HNRNPLL: variants seen among roughly 807,000 people sequenced by gnomAD.
The protein encoded by HNRNPLL is heterogeneous nuclear ribonucleoprotein L like.
A neutral mutation model predicts 67.1 loss-of-function variants in HNRNPLL; 25 were observed. That is an observed-to-expected ratio of 0.37 (90% confidence interval 0.27 to 0.52). The LOEUF (loss-of-function observed/expected upper bound fraction) is 0.52. HNRNPLL is among the 20% of genes least tolerant of loss of function. The pLI is 0.90. For synonymous variants in HNRNPLL, 267 were observed against 241.7 expected (o/e 1.10, Z -0.97); for missense variants, 542 against 673.9 (o/e 0.80, Z 2.17).
intron 3 of HNRNPLL, 135 bp downstream of exon 3, chr2:38,585,509 T>C (rs1666688665): frequency 1.6e-6 from 1 of 613,208 alleles, no homozygotes; most frequent in Non-Finnish European, 2.9e-6. Context: ...TCATTAAACT[T>C]GTTAAGATTA....
In HNRNPLL at chr2:38,602,447, G is replaced by A. The variant is rs750585349; in HGVS notation, c.180C>T (p.Phe60=). 1.7e-5 allele frequency: 26 copies of A among 1,537,964 alleles called. No homozygotes were observed. In the Admixed American group the frequency reaches 5.1e-4, roughly 30 times the overall value. ...GGDGGGGGRS[F]SQPEAGGSHH... ...GGCCGCGCTTTGTTACCGGCTGAGAGAAGCTCCGGCCGCCGCCGCCGCCAT... is the reference window on the plus strand; with the variant it reads ...GGCCGCGCTTTGTTACCGGCTGAGAAAAGCTCCGGCCGCCGCCGCCGCCAT... The change falls in exon 1 of 13, where the codon TTC becomes TTT. Residue 60 remains phenylalanine, a synonymous_variant. Coordinates refer to ENST00000449105, the MANE Select transcript of HNRNPLL (RefSeq NM_138394.4).
intron 12 of HNRNPLL, among the ~76,000 whole-genome samples, chr2:38,564,566 G>T (rs1054766791): frequency 7.6e-6 from 1 of 132,422 alleles, no homozygotes; most frequent in African/African-American, 3.0e-5. Flanking sequence ...GTTGCAGCAA[G>T]CCAAGATTGT....
Position 38,581,997 on chromosome 2 carries a change from G to A in HNRNPLL, c.730-12C>T, listed in dbSNP as rs1666546310. On this transcript the variant is annotated splice_polypyrimidine_tract_variant and intron_variant, in intron 5 of 12. Coordinates refer to ENST00000449105, the MANE Select transcript of HNRNPLL (RefSeq NM_138394.4). ...TTTAGACGAGTTGGCTGTTAAGATT[G>A]AAAATAATGTAAGTTCAAACTGCAT... The A allele has an allele frequency of 6.2e-7, 1 of 1,609,034 alleles. No homozygotes were observed. Among genetic ancestry groups the A allele is most frequent in the Non-Finnish European group, 8.5e-7 (1 of 1,175,594 alleles).
In HNRNPLL at chr2:38,577,526, C is replaced by T; in HGVS notation, c.809G>A (p.Gly270Glu). ...TKPYLGRRDRGKGRQRQAILG... is the reference protein window; with the variant it reads ...TKPYLGRRDREKGRQRQAILG... ...AATGGCTTGTCTCTGGCGACCCTTTCCTCTATCTGACACAAAAGTAGAAAC... is the reference window on the plus strand; with the variant it reads ...AATGGCTTGTCTCTGGCGACCCTTTTCTCTATCTGACACAAAAGTAGAAAC... Residue 270 changes from glycine (G) to glutamate (E), a missense_variant, in exon 7 of 13, where the codon GGA becomes GAA. Physicochemically the swap from Gly to Glu is moderately conservative, Grantham distance 98. This residue lies in a region of HNRNPLL where 415 missense variants were observed against 575.2 expected (regional missense o/e 0.72). Coordinates refer to ENST00000449105, the MANE Select transcript of HNRNPLL (RefSeq NM_138394.4). The T allele has an allele frequency of 6.2e-7, 1 of 1,604,942 alleles. No individual in the cohort carries two copies.
intron 2 of HNRNPLL, among the ~76,000 whole-genome samples, chr2:38,588,245 G>C (rs541949459): frequency 7.6e-4 from 115 of 152,202 alleles, no homozygotes; most frequent in African/African-American, 2.6e-3. Flanking sequence ...TTTGCTTTCT[G>C]TGACTAAAAT....
At chr2:38,593,380 T>TG (rs1347326487) in intron 1 of HNRNPLL, among the ~76,000 whole-genome samples, 1 of 152,110 alleles carries the variant, frequency 6.6e-6, no homozygotes, top group Non-Finnish European at 1.5e-5. Flanking sequence ...AAACACAGCA[T>TG]GTATTTAAAG....
chr2:38,569,022 T>G, intron 10 of HNRNPLL, 111 bp downstream of exon 10: 1 of 770,742 alleles, frequency 1.3e-6, no homozygotes, highest in East Asian at 2.5e-5. Context: ...AATAAAATAG[T>G]AATAACATCA....
chr2:38,591,575 A>G lies in HNRNPLL; in HGVS notation c.263T>C (p.Val88Ala). The G allele has an allele frequency of 6.2e-7, 1 of 1,613,954 alleles. No individual in the cohort carries two copies. Among genetic ancestry groups the G allele is most frequent in the Non-Finnish European group, 8.5e-7 (1 of 1,179,802 alleles). The change falls in exon 2 of 13, where the codon GTG becomes GCG. Residue 88 changes from valine (V) to alanine (A), a missense_variant. This residue lies in a region of HNRNPLL where 415 missense variants were observed against 575.2 expected (regional missense o/e 0.72). Transcript: ENST00000449105. ...VHVRGLCESV[V>A]EADLVEALEK... is the part of the protein sequence containing the mutation. ...CAGCGCTTCCACGAGGTCTGCTTCC[A>G]CCACAGATTCACAGAGTCCTCGAAC...
Position 38,577,531 on chromosome 2 carries a change from A to G in HNRNPLL, c.804T>C (p.Asp268=). ...CTTGTCTCTGGCGACCCTTTCCTCT[A>G]TCTGACACAAAAGTAGAAACATGGT... The part of the protein sequence containing the change: ...DYTKPYLGRR[D]RGKGRQRQAI... The change falls in exon 7 of 13, where the codon GAT becomes GAC. Residue 268 remains aspartate, a splice_region_variant and synonymous_variant. Transcript: ENST00000449105. 1.9e-6 allele frequency: 3 copies of G among 1,601,448 alleles called. No individual in the cohort carries two copies. Among genetic ancestry groups the G allele is most frequent in the East Asian group, 2.2e-5 (1 of 44,764 alleles).
intron 1 of HNRNPLL, among the ~76,000 whole-genome samples, chr2:38,597,847 C>T (rs1349866329): frequency 1.3e-5 from 2 of 152,036 alleles, no homozygotes; most frequent in African/African-American, 2.4e-5. Context: ...GCCACCACAC[C>T]CGGCTAATTT....
chr2:38,577,804 G>C (rs548575019), intron 6 of HNRNPLL: 1 of 464,442 alleles, frequency 2.2e-6, no homozygotes, highest in Admixed American at 3.3e-5. Context: ...AGGAAGAATG[G>C]ATACTTTTCA....
At chr2:38,586,833 G>A (rs1333344133) in intron 2 of HNRNPLL, among the ~76,000 whole-genome samples, 5 of 151,984 alleles carry the variant, frequency 3.3e-5, no homozygotes, top group African/African-American at 4.8e-5. Flanking sequence ...AAAGACAAAC[G>A]AAGCAGCCAA....
intron 2 of HNRNPLL, among the ~76,000 whole-genome samples, chr2:38,587,029 C>A (rs1666762465): frequency 6.6e-6 from 1 of 152,170 alleles, no homozygotes; most frequent in African/African-American, 2.4e-5. Flanking sequence ...TTCACAGGAA[C>A]AAGAACCTTA....
At chr2:38,599,105 T>C (rs1301541603) in intron 1 of HNRNPLL, among the ~76,000 whole-genome samples, 4 of 152,228 alleles carry the variant, frequency 2.6e-5, no homozygotes. Flanking sequence ...TATAACAGAA[T>C]AGTGTATCCT....
chr2:38,580,094 G>C (rs1381048750), intron 6 of HNRNPLL, among the ~76,000 whole-genome samples: 1 of 151,962 alleles, frequency 6.6e-6, no homozygotes, highest in Non-Finnish European at 1.5e-5. Context: ...ATTAAAATAA[G>C]CTTATCTACA....
At chr2:38,578,690 G>A (rs1187100164) in intron 6 of HNRNPLL, among the ~76,000 whole-genome samples, 1 of 151,884 alleles carries the variant, frequency 6.6e-6, no homozygotes, top group African/African-American at 2.4e-5. Flanking sequence ...TGTAAGTTGG[G>A]ACCATTTAGC....
Position 38,564,108 on chromosome 2 carries a change from GA to G in HNRNPLL, c.*73del. On this transcript the variant is annotated 3_prime_UTR_variant, in exon 13 of 13. Coordinates refer to ENST00000449105, the MANE Select transcript of HNRNPLL (RefSeq NM_138394.4). ...AGGCAACATGAGATCAACCATTTTA[GA>G]TTTTTTTTTAATGAAGTGTAGCTTT... The G allele has an allele frequency of 6.5e-6, 6 of 917,144 alleles. No homozygotes were observed. The highest frequency in any genetic ancestry group is 1.1e-5 in the Non-Finnish European group (6 of 555,386). The allele number at this position is 917,144 out of a possible 1,614,324, so 56.8% of individuals were successfully genotyped here. A position where few individuals can be genotyped will look rare whatever the true frequency, so the allele number is the denominator to read the frequency against.
intron 2 of HNRNPLL, among the ~76,000 whole-genome samples, chr2:38,589,563 T>C (rs1461525976): frequency 2.0e-5 from 3 of 152,192 alleles, no homozygotes; most frequent in Non-Finnish European, 4.4e-5. Flanking sequence ...TCTATCCACA[T>C]AACTACCAAT....
Position 38,568,458 on chromosome 2 carries a change from A to G in HNRNPLL, c.1417-15T>C. On this transcript the variant is annotated splice_polypyrimidine_tract_variant and intron_variant, in intron 10 of 12. Coordinates refer to ENST00000449105, the MANE Select transcript of HNRNPLL (RefSeq NM_138394.4). ...TCATTACACAACTGTCAAAGAAAGT[A>G]AAACTTCATTAAAAATATAGCCAAA... The G allele has an allele frequency of 6.5e-7, 1 of 1,532,298 alleles. No homozygotes were observed. The highest frequency in any genetic ancestry group is 1.8e-4 in the Middle Eastern group (1 of 5,596). 94.9% of individuals were successfully genotyped at this position (1,532,298 alleles called of 1,614,324 possible).
Sources: gnomAD v4.1 joint callset for allele counts (sites outside exome capture counted in the v4.1 genomes callset) on GRCh38, gnomAD v4.1.1 for gene constraint, gnomAD v4.1.1 regional missense constraint, MANE v1.5 for transcripts, NCBI Gene and HGNC (gene_info 2026-07-23, HGNC 2026-07-21) for gene names.